Variants in APBA1 observed in about 807,000 individuals in gnomAD.
APBA1 encodes amyloid beta precursor protein binding family A member 1, also known as amyloid-beta A4 precursor protein-binding family A member 1.
APBA1 carries 55 observed loss-of-function variants against 86.6 expected under a neutral mutation model. That is an observed-to-expected ratio of 0.64 (90% confidence interval 0.51 to 0.80). The LOEUF (loss-of-function observed/expected upper bound fraction) is 0.80, where lower values mean the gene tolerates loss of function less well. Among genes scored for constraint, APBA1 ranks in the 30% least tolerant of loss-of-function variants. APBA1 has a pLI of 0.00. For synonymous variants in APBA1, 511 were observed against 493.9 expected (o/e 1.03, Z -0.46); for missense variants, 1,090 against 1,183.0 (o/e 0.92, Z 1.15).
chr9:69,640,984 GAGAA>G (rs1391672476), intron 1 of APBA1, among the ~76,000 whole-genome samples: 1 of 151,674 alleles, frequency 6.6e-6, no homozygotes, highest in Middle Eastern at 3.2e-3. Context: ...AAGAAAGAAA[GAGAA>G]AGAGAGAGAG....
At chr9:69,637,906 A>G (rs1823213663) in intron 1 of APBA1, among the ~76,000 whole-genome samples, 1 of 152,218 alleles carries the variant, frequency 6.6e-6, no homozygotes. Flanking sequence ...TATGAAATAG[A>G]GAAAGGAAGA....
At position 69,672,274 on chromosome 9, in the gene APBA1, C is replaced by CCCGCCGCAGCTG. The variant is rs1186919623; in HGVS notation, c.-203_-192dup. 5 of 175,646 alleles carry CCCGCCGCAGCTG rather than the reference C, an allele frequency of 2.8e-5. No individual in the cohort carries two copies. The East Asian group carries it at 5.1e-4, about 18-fold the overall frequency. 10.9% of individuals were successfully genotyped at this position (175,646 alleles called of 1,614,324 possible). ...GCTGCCTCCAGCGCCACCATCTTCT[C>CCCGCCGCAGCTG]CCGCCGCAGCTGCCGCCGCCGCCGC... On this transcript the variant is annotated 5_prime_UTR_variant, in exon 1 of 13. Transcript: ENST00000265381.
intron 8 of APBA1, 58 bp from the exon 9 acceptor site, chr9:69,452,359 C>A: frequency 6.4e-7 from 1 of 1,550,550 alleles, no homozygotes; most frequent in Middle Eastern, 2.1e-4. Context: ...TGGTGAGCGG[C>A]CTGGCGCACT....
At chr9:69,456,182 T>C in intron 8 of APBA1, 65 bp downstream of exon 8, 4 of 1,541,696 alleles carry the variant, frequency 2.6e-6, no homozygotes, top group Non-Finnish European at 3.6e-6. Flanking sequence ...TGAATTAGAC[T>C]GAATCAGGTT....
chr9:69,432,420 G>A (rs1834617309), intron 12 of APBA1, 116 bp downstream of exon 12: 2 of 1,087,454 alleles, frequency 1.8e-6, no homozygotes, highest in East Asian at 3.1e-5. Context: ...GGAGTGTTCA[G>A]GATTGGAAAC....
intron 1 of APBA1, among the ~76,000 whole-genome samples, chr9:69,634,543 G>C (rs113786234): frequency 5.3e-5 from 8 of 152,252 alleles, no homozygotes; most frequent in African/African-American, 1.7e-4. Flanking sequence ...GAGAGATAGA[G>C]GTAGAAAGTT....
Position 69,471,651 on chromosome 9 carries a change from C to CT in APBA1, c.1336+4dup. ...AGTGCTCAGTATTTTCTTTTCAGCT[C>CT]TTACCTTCAACGTAGGTTGGGAATG... On this transcript the variant is annotated splice_donor_region_variant and intron_variant, in intron 4 of 12. Coordinates refer to ENST00000265381, the MANE Select transcript of APBA1 (RefSeq NM_001163.4). 1 of 1,613,164 alleles carries CT rather than the reference C, an allele frequency of 6.2e-7. No individual in the cohort carries two copies.
intron 1 of APBA1, among the ~76,000 whole-genome samples, chr9:69,529,132 T>G (rs1316079155): frequency 6.6e-6 from 1 of 152,110 alleles, no homozygotes; most frequent in Non-Finnish European, 1.5e-5. Flanking sequence ...TTCCTGAGCT[T>G]CTTTGTATTC....
intron 10 of APBA1, 146 bp downstream of exon 10, chr9:69,449,438 A>AG (rs745471940): frequency 2.8e-6 from 2 of 716,340 alleles, no homozygotes; most frequent in Non-Finnish European, 4.8e-6. Flanking sequence ...AAGCTTCCTG[A>AG]GTGCAAGTCC....
intron 6 of APBA1, among the ~76,000 whole-genome samples, chr9:69,457,686 C>T (rs1835121543): frequency 6.6e-6 from 1 of 152,134 alleles, no homozygotes; most frequent in Non-Finnish European, 1.5e-5. Context: ...CTCAACGTCC[C>T]AGGAGTAGTA....
chr9:69,535,030 C>T (rs572073040), intron 1 of APBA1, among the ~76,000 whole-genome samples: 1 of 152,270 alleles, frequency 6.6e-6, no homozygotes, highest in African/African-American at 2.4e-5. Flanking sequence ...CTTCTACCTC[C>T]CACCTGCTGT....
intron 1 of APBA1, among the ~76,000 whole-genome samples, chr9:69,658,287 TC>T (rs1564104926): frequency 9.1e-5 from 6 of 65,896 alleles, no homozygotes; most frequent in African/African-American, 1.4e-4. Flanking sequence ...TTTCTTTCTC[TC>T]TCTCTTTCTC....
At chr9:69,651,245 GT>G (rs1001725404) in intron 1 of APBA1, among the ~76,000 whole-genome samples, 4 of 152,140 alleles carry the variant, frequency 2.6e-5, no homozygotes, top group Non-Finnish European at 4.4e-5. Context: ...AGCAATCGTG[GT>G]TACCTCTGGG....
intron 2 of APBA1, among the ~76,000 whole-genome samples, chr9:69,486,003 G>A (rs922777223): frequency 3.3e-5 from 5 of 151,664 alleles, no homozygotes; most frequent in African/African-American, 1.2e-4. Flanking sequence ...CCAGGCTGGA[G>A]TGCAGTGGTG....
intron 1 of APBA1, among the ~76,000 whole-genome samples, chr9:69,659,236 C>T (rs1002853321): frequency 6.6e-6 from 1 of 152,128 alleles, no homozygotes; most frequent in African/African-American, 2.4e-5. Context: ...AAACCTCCAG[C>T]AGGGAAGGGA....
At chr9:69,605,069 A>G (rs1564090113) in intron 1 of APBA1, among the ~76,000 whole-genome samples, 1 of 152,234 alleles carries the variant, frequency 6.6e-6, no homozygotes, top group Non-Finnish European at 1.5e-5. Flanking sequence ...CGACTACAAA[A>G]CATAAAACAG....
At chr9:69,533,780 C>G (rs139209437) in intron 1 of APBA1, among the ~76,000 whole-genome samples, 1 of 152,274 alleles carries the variant, frequency 6.6e-6, no homozygotes, top group African/African-American at 2.4e-5. Context: ...TCTAAAGTAA[C>G]AGAAATATAG....
chr9:69,564,160 T>C (rs1000719354), intron 1 of APBA1, among the ~76,000 whole-genome samples: 1 of 152,174 alleles, frequency 6.6e-6, no homozygotes, highest in Non-Finnish European at 1.5e-5. Flanking sequence ...TACAGATGAC[T>C]GATGGAACTC....
chr9:69,521,784 C>T (rs900246171), intron 1 of APBA1, among the ~76,000 whole-genome samples: 10 of 152,094 alleles, frequency 6.6e-5, no homozygotes, highest in Admixed American at 2.0e-4. Context: ...AAAGGATCAG[C>T]TGTGTTCAAG....
Sources: allele counts gnomAD v4.1 joint callset (sites outside exome capture counted in the v4.1 genomes callset), GRCh38; gene constraint gnomAD v4.1.1; transcripts MANE v1.5; gene names NCBI Gene and HGNC (gene_info 2026-07-23, HGNC 2026-07-21).